Variants in DSCAM observed in about 807,000 individuals in gnomAD.
The protein encoded by DSCAM is cell adhesion molecule DSCAM.
Under a neutral mutation model 217.7 loss-of-function variants are expected in DSCAM, and 47 were observed. The observed-to-expected ratio is 0.22, with a 90% CI of 0.17 to 0.28. The LOEUF (loss-of-function observed/expected upper bound fraction) is 0.28. DSCAM is among the 10% of genes least tolerant of loss of function. The pLI is 1.00. For synonymous variants in DSCAM, 1,056 were observed against 1,015.3 expected, an observed-to-expected ratio of 1.04 and a Z score of -0.76; for missense variants, 2,080 against 2,618.3, an observed-to-expected ratio of 0.79 and a Z score of 4.49.
At chr21:40,041,319 G>A (rs752940838) in intron 32 of DSCAM, among the ~76,000 whole-genome samples, 13 of 152,142 alleles carry the variant, frequency 8.5e-5, no homozygotes, top group Non-Finnish European at 1.9e-4. Context: ...AAAAGAAAAA[G>A]TGGTTCTTCA....
intron 3 of DSCAM, among the ~76,000 whole-genome samples, chr21:40,652,485 T>C (rs1407251375): frequency 6.6e-6 from 1 of 152,118 alleles, no homozygotes; most frequent in Non-Finnish European, 1.5e-5. Context: ...ACCATTTTTT[T>C]CCACCCAGAC....
intron 4 of DSCAM, among the ~76,000 whole-genome samples, chr21:40,356,350 C>T (rs1742685098): frequency 1.3e-5 from 2 of 150,160 alleles, no homozygotes; most frequent in South Asian, 2.1e-4. Flanking sequence ...CAAATGTTAA[C>T]TATGTGAGGC....
At chr21:40,567,498 G>A (rs544892308) in intron 3 of DSCAM, among the ~76,000 whole-genome samples, 2 of 152,334 alleles carry the variant, frequency 1.3e-5, no homozygotes, top group South Asian at 2.1e-4. Context: ...GACTGCAGCC[G>A]TTTTTTATTA....
At chr21:40,443,811 AT>A (rs1569126092) in intron 3 of DSCAM, among the ~76,000 whole-genome samples, 1 of 152,198 alleles carries the variant, frequency 6.6e-6, no homozygotes, top group African/African-American at 2.4e-5. Flanking sequence ...ATGAAATGAA[AT>A]ATTTTAAAGT....
intron 3 of DSCAM, among the ~76,000 whole-genome samples, chr21:40,660,376 C>T (rs1568968874): frequency 6.6e-6 from 1 of 152,128 alleles, no homozygotes; most frequent in Non-Finnish European, 1.5e-5. Context: ...AGGGATAATT[C>T]TAACAACTGG....
intron 3 of DSCAM, among the ~76,000 whole-genome samples, chr21:40,525,441 G>A (rs964734090): frequency 5.3e-5 from 8 of 152,250 alleles, no homozygotes; most frequent in Non-Finnish European, 8.8e-5. Flanking sequence ...GCTACACCAC[G>A]GGGGTTCATC....
intron 3 of DSCAM, among the ~76,000 whole-genome samples, chr21:40,460,133 T>A (rs1048266368): frequency 6.6e-6 from 1 of 152,040 alleles, no homozygotes; most frequent in Non-Finnish European, 1.5e-5. Context: ...GTTGGTGGCA[T>A]TGGGGAAAGG....
intron 4 of DSCAM, among the ~76,000 whole-genome samples, chr21:40,360,022 G>A (rs957171396): frequency 6.6e-6 from 1 of 151,512 alleles, no homozygotes; most frequent in Non-Finnish European, 1.5e-5. Context: ...AGATATAGGC[G>A]GTATATGTGC....
At chr21:40,416,822 AT>A (rs909017611) in intron 3 of DSCAM, among the ~76,000 whole-genome samples, 7 of 152,152 alleles carry the variant, frequency 4.6e-5, no homozygotes, top group Non-Finnish European at 1.0e-4. Flanking sequence ...TTAATTTAGG[AT>A]TTTTTTAGAA....
At chr21:40,214,661 T>C (rs2091222952) in intron 11 of DSCAM, among the ~76,000 whole-genome samples, 1 of 146,002 alleles carries the variant, frequency 6.8e-6, no homozygotes, top group Non-Finnish European at 1.5e-5. Flanking sequence ...AAAAGAGATT[T>C]CCAGCAAATG....
intron 3 of DSCAM, among the ~76,000 whole-genome samples, chr21:40,397,273 T>C (rs551677405): frequency 2.9e-4 from 34 of 116,158 alleles, no homozygotes; most frequent in Admixed American, 2.6e-3. Flanking sequence ...TGGGAGGTGA[T>C]TGGATCATGA....
chr21:40,338,432 G>C (rs186777211), intron 7 of DSCAM, 56 bp from the exon 8 acceptor site: 2 of 1,529,930 alleles, frequency 1.3e-6, no homozygotes, highest in East Asian at 4.6e-5. Context: ...CTCATGTAGG[G>C]AAATGGGTAC....
At chr21:40,618,134 C>G (rs986101232) in intron 3 of DSCAM, among the ~76,000 whole-genome samples, 1 of 151,968 alleles carries the variant, frequency 6.6e-6, no homozygotes, top group Admixed American at 6.5e-5. Context: ...ATGAAAGCCT[C>G]GTGTTTCAAT....
Position 40,460,943 on chromosome 21 carries a change from A to C in DSCAM, c.509-91698T>G, listed in dbSNP as rs58361771. The stretch of plus-strand genomic sequence containing the variant: ...ATATAACCTTTGATTCAGAAGACTC[A>C]CTTCTAGGAATTTATACAACAGATA... On this transcript the variant is annotated intron_variant, in intron 3 of 32. Coordinates refer to ENST00000400454, the MANE Select transcript of DSCAM (RefSeq NM_001389.5). Among the ~76,000 whole-genome samples the C allele has an allele frequency of 8.4e-3, 1,278 of 152,332 alleles. 24 individuals are homozygous for C. Among genetic ancestry groups the C allele is most frequent in the African/African-American group, 0.029 (1,202 of 41,580 alleles).
At chr21:40,818,102 CAAAAAAAAAAAAAAAA>C (rs35894315) in intron 1 of DSCAM, among the ~76,000 whole-genome samples, 2 of 52,246 alleles carry the variant, frequency 3.8e-5, no homozygotes, top group Middle Eastern at 0.019. Context: ...GACTCCGTCT[CAAAAAAAAAAAAAAAA>C]AAAAAAAAAA....
intron 27 of DSCAM, 31 bp downstream of exon 27, chr21:40,075,006 C>G: frequency 6.2e-7 from 1 of 1,610,978 alleles, no homozygotes; most frequent in Non-Finnish European, 8.5e-7. Context: ...GCAGGGGACA[C>G]GCGTAGGTGG....
At chr21:40,187,806 G>A (rs954725623) in intron 13 of DSCAM, 85 bp downstream of exon 13, 4 of 1,184,582 alleles carry the variant, frequency 3.4e-6, no homozygotes, top group African/African-American at 3.0e-5. Context: ...ATGGCAAGTT[G>A]AGGACACAGA....
chr21:40,481,781 A>G (rs2075985085), intron 3 of DSCAM, among the ~76,000 whole-genome samples: 1 of 152,162 alleles, frequency 6.6e-6, no homozygotes, highest in African/African-American at 2.4e-5. Context: ...TGCACTGCCT[A>G]GTTACTTCCT....
At chr21:40,779,034 A>C (rs1255900346) in intron 1 of DSCAM, among the ~76,000 whole-genome samples, 5 of 37,520 alleles carry the variant, frequency 1.3e-4, no homozygotes. Flanking sequence ...CAAAAACAGA[A>C]AAAAAAAAAA....
Sources: allele counts gnomAD v4.1 joint callset (sites outside exome capture counted in the v4.1 genomes callset), GRCh38; gene constraint gnomAD v4.1.1; transcripts MANE v1.5; gene names NCBI Gene and HGNC (gene_info 2026-07-23, HGNC 2026-07-21).